ADCY5: variants seen among roughly 807,000 people sequenced by gnomAD.
ADCY5 encodes adenylate cyclase type 5.
In ADCY5, 30 loss-of-function variants were observed where a neutral mutation model predicts 119.7. That is an observed-to-expected ratio of 0.25 (90% CI 0.19 to 0.34). ADCY5 has a LOEUF of 0.34. Among genes scored for constraint, ADCY5 ranks in the 10% least tolerant of loss-of-function variants. ADCY5 has a pLI of 1.00. For synonymous variants in ADCY5, 753 were observed against 762.2 expected (o/e 0.99, Z 0.20); for missense variants, 1,324 against 1,775.2 (o/e 0.75, Z 4.57).
chr3:123,327,874 C>T (rs1941571930), intron 6 of ADCY5, 115 bp from the exon 7 acceptor site: 1 of 1,258,240 alleles, frequency 7.9e-7, no homozygotes, highest in Non-Finnish European at 1.1e-6. Context: ...AACCCTAGGG[C>T]CCCAAGCTCT....
chr3:123,443,961 C>A (rs750481418), intron 1 of ADCY5, among the ~76,000 whole-genome samples: 1 of 152,198 alleles, frequency 6.6e-6, no homozygotes, highest in Non-Finnish European at 1.5e-5. Context: ...CCACCCCACC[C>A]CACAGGGCAC....
intron 12 of ADCY5, among the ~76,000 whole-genome samples, chr3:123,309,713 T>A (rs997032351): frequency 1.8e-4 from 27 of 152,134 alleles, no homozygotes; most frequent in African/African-American, 6.3e-4. Flanking sequence ...CCTAAATGAA[T>A]GACGTGTATG....
intron 1 of ADCY5, chr3:123,404,143 T>C (rs1015705030): frequency 6.6e-6 from 1 of 152,228 alleles, no homozygotes; most frequent in African/African-American, 2.4e-5. Context: ...AACAGCCGAT[T>C]ACAAAGCACC....
At position 123,448,685 on chromosome 3, in the gene ADCY5, G is replaced by C; in HGVS notation, c.-140C>G. 1 of 702,932 alleles carries C rather than the reference G, an allele frequency of 1.4e-6. No homozygotes were observed. The allele number at this position is 702,932 out of a possible 1,614,324, so 43.5% of individuals were successfully genotyped here. A position where few individuals can be genotyped will look rare whatever the true frequency, so the allele number is the denominator to read the frequency against. On this transcript the variant is annotated 5_prime_UTR_variant, in exon 1 of 21. Transcript: ENST00000462833. The stretch of plus-strand genomic sequence containing the variant: ...CGGCCCGGGGCCCTGCGCTGCAGCG[G>C]GGCATCTTGGCACCCCCGTCCTGAG...
At chr3:123,416,243 A>C in intron 1 of ADCY5, 1 of 1,536,122 alleles carries the variant, frequency 6.5e-7, no homozygotes, top group South Asian at 1.2e-5. Flanking sequence ...CCTCTGCTGC[A>C]ACAGCCCTCT....
intron 1 of ADCY5, among the ~76,000 whole-genome samples, chr3:123,360,936 G>C (rs2107501424): frequency 6.6e-6 from 1 of 152,286 alleles, no homozygotes; most frequent in African/African-American, 2.4e-5. Flanking sequence ...TGAGGCCCGA[G>C]GCAGGGGTCC....
intron 16 of ADCY5, 107 bp from the exon 17 acceptor site, chr3:123,296,323 AC>A (rs1196536441): frequency 4.4e-5 from 55 of 1,252,616 alleles, no homozygotes; most frequent in Non-Finnish European, 5.7e-5. Flanking sequence ...CTCCCACTAT[AC>A]CTTCCCCTCT....
At chr3:123,314,086 T>C (rs1347030427) in intron 12 of ADCY5, 149 bp downstream of exon 12, 9 of 618,868 alleles carry the variant, frequency 1.5e-5, no homozygotes, top group Non-Finnish European at 2.6e-5. Flanking sequence ...CCAATGCCAT[T>C]GGAGAGGTGT....
intron 1 of ADCY5, among the ~76,000 whole-genome samples, chr3:123,430,644 A>G (rs1401090738): frequency 6.6e-6 from 1 of 152,192 alleles, no homozygotes; most frequent in Non-Finnish European, 1.5e-5. Flanking sequence ...AAAATCCAAA[A>G]TTAACTCTCC....
chr3:123,393,486 G>C (rs1008937766), intron 1 of ADCY5, among the ~76,000 whole-genome samples: 1 of 152,012 alleles, frequency 6.6e-6, no homozygotes, highest in Non-Finnish European at 1.5e-5. Flanking sequence ...GAGCCCAGGA[G>C]TTTGAGGCCA....
In ADCY5 at chr3:123,328,756, T is replaced by C. The variant is rs536076941; in HGVS notation, c.1693A>G (p.Ile565Val). ...TGVNVNMRVGIHSGRVHCGVL... is the reference protein window; with the variant it reads ...TGVNVNMRVGVHSGRVHCGVL... ...CCGCAGTGTACTCGCCCGCTGTGAA[T>C]TCCCACACGCATGTTCACGTTCACC... Residue 565 changes from isoleucine to valine, a missense_variant, in exon 6 of 21, where the codon ATT (isoleucine) becomes GTT (valine). Coordinates refer to ENST00000462833, the MANE Select transcript of ADCY5 (RefSeq NM_183357.3). 6.2e-7 allele frequency: 1 copy of C among 1,614,220 alleles called. No homozygotes were observed. The highest frequency in any genetic ancestry group is 1.1e-5 in the South Asian group (1 of 91,088).
intron 1 of ADCY5, among the ~76,000 whole-genome samples, chr3:123,414,867 C>G (rs967390565): frequency 6.6e-6 from 1 of 152,190 alleles, no homozygotes; most frequent in Non-Finnish European, 1.5e-5. Context: ...CCTGATGGCT[C>G]ATCTTTAAAG....
chr3:123,419,610 T>C (rs894220458), intron 1 of ADCY5, among the ~76,000 whole-genome samples: 1 of 152,078 alleles, frequency 6.6e-6, no homozygotes, highest in Non-Finnish European at 1.5e-5. Context: ...CAGCCTCAAC[T>C]CCTGCCTGCT....
intron 1 of ADCY5, among the ~76,000 whole-genome samples, chr3:123,384,120 C>T (rs1944133983): frequency 6.6e-6 from 1 of 152,190 alleles, no homozygotes; most frequent in African/African-American, 2.4e-5. Context: ...CAATAAGAAA[C>T]TCCCAAATGT....
chr3:123,321,408 G>C (rs535697462), intron 8 of ADCY5, among the ~76,000 whole-genome samples: 1 of 152,204 alleles, frequency 6.6e-6, no homozygotes, highest in African/African-American at 2.4e-5. Flanking sequence ...TCAGAGTTGA[G>C]GGTGGGAAGG....
chr3:123,429,433 C>T (rs1002072243), intron 1 of ADCY5, among the ~76,000 whole-genome samples: 12 of 152,122 alleles, frequency 7.9e-5, no homozygotes, highest in African/African-American at 2.9e-4. Flanking sequence ...AGTGCCTGTG[C>T]TCAGCCCCCT....
rs192324325 is a variant in ADCY5, at chr3:123,325,053, G to A, written c.2088+269C>T. ...GACATGCCTGCTTCCAGGCTGTGCC[G>A]CAAGCTCTGCCAAGAGGGAGGGAGG... On this transcript the variant is annotated intron_variant, in intron 8 of 20. Transcript: ENST00000462833. Among the ~76,000 whole-genome samples the A allele has an allele frequency of 1.0e-3, 155 of 152,312 alleles. 1 individual carries two copies. The highest frequency in any genetic ancestry group is 1.6e-3 in the Non-Finnish European group (111 of 68,022).
intron 3 of ADCY5, among the ~76,000 whole-genome samples, 157 bp downstream of exon 3, chr3:123,347,625 C>T (rs1456696537): frequency 1.3e-5 from 2 of 152,154 alleles, no homozygotes; most frequent in Admixed American, 6.5e-5. Context: ...ACTCATTTAA[C>T]ACACCTGGAG....
At chr3:123,309,261 C>T (rs1940410717) in intron 12 of ADCY5, among the ~76,000 whole-genome samples, 1 of 152,274 alleles carries the variant, frequency 6.6e-6, no homozygotes, top group Non-Finnish European at 1.5e-5. Context: ...AATACAGCCT[C>T]TTTGACAAGG....
Sources: gnomAD v4.1 joint callset for allele counts (sites outside exome capture counted in the v4.1 genomes callset) on GRCh38, gnomAD v4.1.1 for gene constraint, MANE v1.5 for transcripts, NCBI Gene and HGNC (gene_info 2026-07-23, HGNC 2026-07-21) for gene names.